C12orf42: variants seen among roughly 807,000 people sequenced by gnomAD.
C12orf42 encodes the protein uncharacterized protein C12orf42.
C12orf42 carries 25 observed loss-of-function variants against 21.6 expected under a neutral mutation model. The observed-to-expected ratio is 1.16, with a 90% CI of 0.84 to 1.62. C12orf42 has a LOEUF of 1.62. Among genes scored for constraint, C12orf42 ranks in the 40% most tolerant of loss-of-function variants. C12orf42 has a pLI of 0.00. For missense variants in C12orf42, 483 were observed against 459.3 expected, an observed-to-expected ratio of 1.05 and a Z score of -0.47; for synonymous variants, 174 against 175.0, an observed-to-expected ratio of 0.99 and a Z score of 0.05.
chr12:103,429,324 AACAG>A (rs1336844056), intron 2 of C12orf42, among the ~76,000 whole-genome samples: 2 of 152,204 alleles, frequency 1.3e-5, no homozygotes, highest in East Asian at 1.9e-4. Context: ...ATACACCAAC[AACAG>A]ACAAACAGAG....
At chr12:103,490,402 C>T (rs1051988878) in intron 1 of C12orf42, among the ~76,000 whole-genome samples, 1 of 151,944 alleles carries the variant, frequency 6.6e-6, no homozygotes, top group African/African-American at 2.4e-5. Context: ...ACAAAATCCC[C>T]CATTTTATTT....
chr12:103,363,409 AG>A (rs1312733203), intron 4 of C12orf42, among the ~76,000 whole-genome samples: 2 of 152,170 alleles, frequency 1.3e-5, no homozygotes, highest in Non-Finnish European at 2.9e-5. Context: ...TAAATCTCAT[AG>A]GAACTATAAA....
chr12:103,342,407 G>T (rs778002486), intron 4 of C12orf42, among the ~76,000 whole-genome samples: 1 of 152,044 alleles, frequency 6.6e-6, no homozygotes, highest in South Asian at 2.1e-4. Context: ...TAGAGAGGAG[G>T]GATGGAGAAA....
At chr12:103,334,821 C>T (rs987421071) in intron 4 of C12orf42, among the ~76,000 whole-genome samples, 1 of 152,186 alleles carries the variant, frequency 6.6e-6, no homozygotes, top group African/African-American at 2.4e-5. Context: ...ATTAGTTTTT[C>T]GACCCCACTC....
chr12:103,486,834 A>C (rs1198370946), intron 1 of C12orf42, among the ~76,000 whole-genome samples: 1 of 152,024 alleles, frequency 6.6e-6, no homozygotes, highest in African/African-American at 2.4e-5. Context: ...TATTGAGTCT[A>C]TTTGATTCTT....
At chr12:103,074,633 A>T in the C12orf42 span, among the ~76,000 whole-genome samples, 1 of 152,200 alleles carries the variant, frequency 6.6e-6, no homozygotes, top group African/African-American at 2.4e-5. Context: ...AATTGTCTAT[A>T]AATAATATGA....
chr12:103,224,606 AAAG>A, the C12orf42 span, among the ~76,000 whole-genome samples: 1 of 152,210 alleles, frequency 6.6e-6, no homozygotes, highest in African/African-American at 2.4e-5. Flanking sequence ...TGTGGGACTT[AAAG>A]AGTGAGTACA....
At chr12:103,175,024 A>C in the C12orf42 span, among the ~76,000 whole-genome samples, 1 of 152,354 alleles carries the variant, frequency 6.6e-6, no homozygotes, top group Non-Finnish European at 1.5e-5. Context: ...TAAAAATACT[A>C]ATTACTGATA....
chr12:103,277,355 G>T (rs1482782605), intron 4 of C12orf42: 2 of 251,784 alleles, frequency 7.9e-6, no homozygotes, highest in Non-Finnish European at 1.5e-5. Flanking sequence ...TAAACAGAAG[G>T]ATGGCATTAT....
chr12:103,150,086 A>G, the C12orf42 span, among the ~76,000 whole-genome samples: 8 of 152,320 alleles, frequency 5.3e-5, no homozygotes, highest in African/African-American at 1.9e-4. Context: ...TTGCAGGATG[A>G]ATTGTTAAAC....
At chr12:103,262,673 G>A (rs555376880) in intron 10 of C12orf42, among the ~76,000 whole-genome samples, 137 of 152,244 alleles carry the variant, frequency 9.0e-4, no homozygotes, top group African/African-American at 3.2e-3. Context: ...GAGAGGATGT[G>A]GAGAAATAGG....
chr12:103,406,893 G>C (rs2048464210), intron 2 of C12orf42, among the ~76,000 whole-genome samples: 1 of 152,168 alleles, frequency 6.6e-6, no homozygotes, highest in Non-Finnish European at 1.5e-5. Flanking sequence ...TGTTAACAGA[G>C]GGTCAGCACG....
chr12:103,068,934 C>CATATATAT, the C12orf42 span, among the ~76,000 whole-genome samples: 18 of 48,142 alleles, frequency 3.7e-4, no homozygotes, highest in South Asian at 7.1e-4. Context: ...TCTCTCTCCA[C>CATATATAT]ATATATATAT....
At chr12:103,373,429 C>T (rs1187227993) in intron 3 of C12orf42, among the ~76,000 whole-genome samples, 3 of 152,188 alleles carry the variant, frequency 2.0e-5, no homozygotes, top group Non-Finnish European at 2.9e-5. Flanking sequence ...GGGCTGTGCA[C>T]ACTCCCAGCA....
chr12:103,473,482 T>C (rs934675616), intron 2 of C12orf42, among the ~76,000 whole-genome samples: 2 of 152,194 alleles, frequency 1.3e-5, no homozygotes, highest in Non-Finnish European at 2.9e-5. Flanking sequence ...TATCTATCCA[T>C]TAATTCCACA....
the C12orf42 span, among the ~76,000 whole-genome samples, chr12:103,067,872 C>T: frequency 6.6e-6 from 1 of 152,122 alleles, no homozygotes; most frequent in Non-Finnish European, 1.5e-5. Context: ...AATTAGTCTA[C>T]TACTCCACAA....
At chr12:103,171,128 T>G in the C12orf42 span, among the ~76,000 whole-genome samples, 1 of 152,144 alleles carries the variant, frequency 6.6e-6, no homozygotes, top group Non-Finnish European at 1.5e-5. Context: ...TCACCTTTAT[T>G]TATTGAGATT....
At chr12:103,199,201 C>T in the C12orf42 span, among the ~76,000 whole-genome samples, 1 of 152,158 alleles carries the variant, frequency 6.6e-6, no homozygotes, top group South Asian at 2.1e-4. Context: ...ACCAAGAATA[C>T]ATAATGGTGA....
chr12:103,498,946 A>T (rs11111615), upstream of C12orf42, among the ~76,000 whole-genome samples: 29,055 of 151,458 alleles, frequency 0.19, 4,028 homozygotes, highest in African/African-American at 0.39. Context: ...AGGTGATGGG[A>T]TGATAGATGC....
Sources: gnomAD v4.1 joint callset for allele counts (sites outside exome capture counted in the v4.1 genomes callset) on GRCh38, gnomAD v4.1.1 for gene constraint, MANE v1.5 for transcripts, NCBI Gene and HGNC (gene_info 2026-07-23, HGNC 2026-07-21) for gene names.